Variants in FKBP15 observed in about 807,000 individuals in gnomAD.
The protein encoded by FKBP15 is FKBP prolyl isomerase family member 15, also known as FK506-binding protein 15.
Under a neutral mutation model 158.1 loss-of-function variants are expected in FKBP15, and 106 were observed. The observed-to-expected ratio is 0.67, with a 90% CI of 0.57 to 0.79. The LOEUF (loss-of-function observed/expected upper bound fraction) is 0.79, where lower values mean the gene tolerates loss of function less well. Ranked by LOEUF, FKBP15 falls within the 30% of genes least tolerant of loss-of-function variation. The probability of loss-of-function intolerance (pLI) is 0.00; values close to 1 mark genes in which losing one functional copy is unlikely to be tolerated. For missense variants in FKBP15, 1,287 were observed against 1,479.1 expected (o/e 0.87, Z 2.13); for synonymous variants, 547 against 548.6 (o/e 1.00, Z 0.04).
intron 4 of FKBP15, among the ~76,000 whole-genome samples, chr9:113,203,605 G>A (rs1281381719): frequency 6.6e-6 from 1 of 151,048 alleles, no homozygotes; most frequent in Non-Finnish European, 1.5e-5. Flanking sequence ...TCGGCTCACT[G>A]CAACCACTGC....
At chr9:113,187,452 T>A in intron 14 of FKBP15, 1 of 232,034 alleles carries the variant, frequency 4.3e-6, no homozygotes, top group South Asian at 5.2e-5. Flanking sequence ...CTGCAGAATG[T>A]TAGCCTGCCA....
chr9:113,207,655 C>A (rs1033645327), intron 2 of FKBP15, among the ~76,000 whole-genome samples: 1 of 152,086 alleles, frequency 6.6e-6, no homozygotes, highest in Non-Finnish European at 1.5e-5. Context: ...AATTTTTAAC[C>A]ACTGAACTAG....
intron 2 of FKBP15, among the ~76,000 whole-genome samples, chr9:113,210,322 G>A (rs924786618): frequency 7.0e-6 from 1 of 143,002 alleles, no homozygotes; most frequent in African/African-American, 2.6e-5. Flanking sequence ...CCTAGTGCCA[G>A]TTGTGATGGC....
rs931022515 is a variant in FKBP15 at position 113,169,913 on chromosome 9, C to T, written c.2796G>A (p.Gln932=). The change falls in exon 26 of 28, where the codon CAG becomes CAA. Residue 932 remains glutamine, a synonymous_variant. Coordinates refer to ENST00000238256, the MANE Select transcript of FKBP15 (RefSeq NM_015258.2). ...TGCTGCTCTCTTCCTTCTCTTGCTC[C>T]TGTTGGTTTAACAGCTGAAGAGTCA... ...KMVTLQLLNQ[Q]EQEKEESSSE... The T allele has an allele frequency of 6.3e-5, 97 of 1,547,292 alleles. No homozygotes were observed. The highest frequency in any genetic ancestry group is 8.3e-5 in the Non-Finnish European group (95 of 1,146,736).
At position 113,161,323 on chromosome 9, in the gene FKBP15, T is replaced by G; in HGVS notation, c.*4755A>C. On this transcript the variant is annotated 3_prime_UTR_variant, in exon 28 of 28. Coordinates refer to ENST00000238256, the MANE Select transcript of FKBP15 (RefSeq NM_015258.2). ...TTTTTCAGGTGGCTTCTCTTCCTGA[T>G]CTCAAAGCCACACTCCAGCTAAGAA... 1 of 607,610 alleles carries G rather than the reference T, an allele frequency of 1.6e-6. No individual in the cohort carries two copies. The allele number at this position is 607,610 out of a possible 1,614,324, so 37.6% of individuals were successfully genotyped here.
Position 113,206,458 on chromosome 9 carries a change from T to TCA in FKBP15, c.324+50_324+51insTG. On this transcript the variant is annotated intron_variant, in intron 4 of 27. Coordinates refer to ENST00000238256, the MANE Select transcript of FKBP15 (RefSeq NM_015258.2). ...GCAAGCCAGATAAAAGCCAGCTCAT[T>TCA]GGTATTATTTGGGACATCTGAATAT... The TCA allele has an allele frequency of 2.8e-6, 4 of 1,433,658 alleles. No individual in the cohort carries two copies. In the South Asian group the frequency reaches 4.6e-5, roughly 17 times the overall value. 88.8% of individuals were successfully genotyped at this position (1,433,658 alleles called of 1,614,324 possible).
At chr9:113,168,752 A>T (rs549395966) in intron 26 of FKBP15, among the ~76,000 whole-genome samples, 196 bp from the exon 27 acceptor site, 1 of 152,232 alleles carries the variant, frequency 6.6e-6, no homozygotes, top group African/African-American at 2.4e-5. Flanking sequence ...CCCCCTCCAG[A>T]ACCTACAGCC....
chr9:113,174,558 GAC>G lies in FKBP15; in HGVS notation c.2247_2248del (p.Lys749AsnfsTer14). 6.2e-7 allele frequency: 1 copy of G among 1,613,734 alleles called. No individual in the cohort carries two copies. The highest frequency in any genetic ancestry group is 1.7e-5 in the Admixed American group (1 of 59,984). On this transcript the variant is annotated frameshift_variant, in exon 22 of 28. Coordinates refer to ENST00000238256, the MANE Select transcript of FKBP15 (RefSeq NM_015258.2). LOFTEE classifies it high-confidence loss of function. Reference sequence around the variant, plus strand: ...CTCGGCCTGAGAACGCTCTTGAGCTGACTTCTTTTTCCTTTCTGAGAGGTTCT... The same window carrying G: ...CTCGGCCTGAGAACGCTCTTGAGCTGTTCTTTTTCCTTTCTGAGAGGTTCT...
intron 14 of FKBP15, chr9:113,187,582 T>C (rs1349463359): frequency 1.8e-6 from 1 of 561,310 alleles, no homozygotes. Flanking sequence ...GGGGCTCTAC[T>C]TGTTCTTGCA....
chr9:113,206,336 T>C (rs765573798), intron 4 of FKBP15, 173 bp downstream of exon 4: 168 of 585,078 alleles, frequency 2.9e-4, no homozygotes, highest in Admixed American at 7.7e-4. Flanking sequence ...TAACGCACAA[T>C]AGTAAGCAAA....
At chr9:113,213,166 T>G (rs558710841) in intron 1 of FKBP15, among the ~76,000 whole-genome samples, 1 of 152,280 alleles carries the variant, frequency 6.6e-6, no homozygotes, top group African/African-American at 2.4e-5. Flanking sequence ...CCCAGCATTT[T>G]GGGAGGCTGA....
At chr9:113,206,069 G>A (rs1305801031) in intron 4 of FKBP15, 1 of 156,152 alleles carries the variant, frequency 6.4e-6, no homozygotes, top group Non-Finnish European at 1.4e-5. Flanking sequence ...TTGGGAAATG[G>A]ATAGTAGTGA....
At chr9:113,166,559 GGAGGTTGGGAAGAAGA>G (rs1830102670) in intron 27 of FKBP15, among the ~76,000 whole-genome samples, 1 of 152,208 alleles carries the variant, frequency 6.6e-6, no homozygotes, top group African/African-American at 2.4e-5. Context: ...TGGGAAGAAG[GGAGGTTGGGAAGAAGA>G]CAATCACATA....
rs577416833 is a variant in FKBP15 at position 113,196,950 on chromosome 9, G to A, written c.846C>T (p.Phe282=). 5.0e-5 allele frequency: 80 copies of A among 1,613,756 alleles called. No homozygotes were observed. Among genetic ancestry groups the A allele is most frequent in the Non-Finnish European group, 6.5e-5 (77 of 1,179,796 alleles). ...CACTCACCCGCCTAACCTCCACCTC[G>A]AACACCAGGATCGAGTCCGTTGCTT... ...WTQATDSILV[F]EVEVRRVKFA... is the part of the protein sequence containing the mutation. Residue 282 remains phenylalanine (F), a synonymous_variant, in exon 9 of 28, where the codon TTC becomes TTT. Coordinates refer to ENST00000238256, the MANE Select transcript of FKBP15 (RefSeq NM_015258.2).
intron 7 of FKBP15, among the ~76,000 whole-genome samples, 185 bp from the exon 8 acceptor site, chr9:113,199,108 A>G (rs952677385): frequency 6.6e-6 from 1 of 152,220 alleles, no homozygotes; most frequent in Admixed American, 6.5e-5. Context: ...ATTATAATGA[A>G]TATCTCTGAA....
intron 23 of FKBP15, 74 bp from the exon 24 acceptor site, chr9:113,171,780 C>A (rs980693822): frequency 7.2e-6 from 9 of 1,251,190 alleles, no homozygotes; most frequent in African/African-American, 6.2e-5. Flanking sequence ...GGAGGAGAAC[C>A]ACCCAAACAT....
intron 1 of FKBP15, among the ~76,000 whole-genome samples, chr9:113,215,078 T>A (rs1253853729): frequency 1.3e-5 from 2 of 152,258 alleles, no homozygotes; most frequent in Admixed American, 6.5e-5. Context: ...ATGTCAGCAA[T>A]AAGGCTGTTT....
intron 1 of FKBP15, among the ~76,000 whole-genome samples, chr9:113,212,449 A>G (rs763993949): frequency 5.3e-5 from 8 of 152,152 alleles, no homozygotes; most frequent in Admixed American, 1.3e-4. Context: ...TCGGCCTCCC[A>G]AAGTGCTGGG....
chr9:113,168,400 A>G lies in FKBP15; in HGVS notation c.3582+60T>C, dbSNP rs1830132474. 3 of 1,397,692 alleles carry G rather than the reference A, an allele frequency of 2.1e-6. No individual in the cohort carries two copies. The South Asian group carries it at 3.5e-5, about 16-fold the overall frequency. The allele number at this position is 1,397,692 out of a possible 1,614,324, so 86.6% of individuals were successfully genotyped here. The stretch of plus-strand genomic sequence containing the variant: ...AGGCTCCATTTCTCTTCTCAGAGCC[A>G]GTAGGGAAGAGCCCCCAGGTGGGTG... On this transcript the variant is annotated intron_variant, in intron 27 of 27. Coordinates refer to ENST00000238256, the MANE Select transcript of FKBP15 (RefSeq NM_015258.2).
Sources: gnomAD v4.1 joint callset for allele counts (sites outside exome capture counted in the v4.1 genomes callset) on GRCh38, gnomAD v4.1.1 for gene constraint, MANE v1.5 for transcripts, NCBI Gene and HGNC (gene_info 2026-07-23, HGNC 2026-07-21) for gene names.